The following CTNNA3 variants were observed in gnomAD, a reference collection of about 807,000 sequenced individuals.
CTNNA3 encodes the protein catenin alpha-3.
In CTNNA3, 76 loss-of-function variants were observed where a neutral mutation model predicts 95.7. The observed-to-expected ratio is 0.79, with a 90% CI of 0.66 to 0.96. The LOEUF (loss-of-function observed/expected upper bound fraction) is 0.96, where lower values mean the gene tolerates loss of function less well. Ranked by LOEUF, CTNNA3 falls within the 40% of genes least tolerant of loss-of-function variation. CTNNA3 has a pLI of 0.00. For synonymous variants in CTNNA3, 431 were observed against 374.4 expected (o/e 1.15, Z -1.74); for missense variants, 1,191 against 1,089.8 (o/e 1.09, Z -1.31).
At chr10:66,071,634 C>T (rs1007169342) in intron 14 of CTNNA3, among the ~76,000 whole-genome samples, 2 of 152,140 alleles carry the variant, frequency 1.3e-5, no homozygotes, top group Non-Finnish European at 2.9e-5. Flanking sequence ...ATTTCTCTAT[C>T]GCTGTCTACC....
chr10:66,918,204 G>A (rs1846594311), intron 7 of CTNNA3, among the ~76,000 whole-genome samples: 1 of 152,180 alleles, frequency 6.6e-6, no homozygotes, highest in African/African-American at 2.4e-5. Context: ...TATTTAGCAA[G>A]TACCAACAAC....
intron 11 of CTNNA3, among the ~76,000 whole-genome samples, chr10:66,514,276 G>C (rs994823832): frequency 1.3e-5 from 2 of 152,046 alleles, no homozygotes; most frequent in South Asian, 4.1e-4. Context: ...TACCTATTAA[G>C]AGACTTCAGG....
At chr10:65,944,609 A>G (rs1357439719) in intron 17 of CTNNA3, among the ~76,000 whole-genome samples, 1 of 152,206 alleles carries the variant, frequency 6.6e-6, no homozygotes, top group Non-Finnish European at 1.5e-5. Flanking sequence ...GAGAAGGGAA[A>G]CCAAAGCATT....
chr10:67,222,607 G>C (rs1052909598), intron 5 of CTNNA3, among the ~76,000 whole-genome samples: 2 of 152,162 alleles, frequency 1.3e-5, no homozygotes, highest in Non-Finnish European at 2.9e-5. Context: ...CCACAACGTT[G>C]TACAAGCTCT....
chr10:66,428,708 G>A (rs1285386435), intron 11 of CTNNA3, among the ~76,000 whole-genome samples: 2 of 152,010 alleles, frequency 1.3e-5, no homozygotes, highest in South Asian at 2.1e-4. Flanking sequence ...AAACCAACGA[G>A]AACAAAGACA....
At chr10:66,368,580 AC>A (rs2092730147) in intron 12 of CTNNA3, among the ~76,000 whole-genome samples, 1 of 152,126 alleles carries the variant, frequency 6.6e-6, no homozygotes. Context: ...AAAAGACAAA[AC>A]AAAACATTGT....
chr10:66,230,685 CA>C (rs2089543484), intron 13 of CTNNA3, among the ~76,000 whole-genome samples: 1 of 152,026 alleles, frequency 6.6e-6, no homozygotes, highest in South Asian at 2.1e-4. Flanking sequence ...AGAGCGTGCA[CA>C]GTCTTGTGAT....
Position 67,242,715 on chromosome 10 carries a change from GA to G in CTNNA3, c.580-22846del, listed in dbSNP as rs377724265. 3.0e-3 allele frequency among the ~76,000 whole-genome samples: 459 copies of G among 152,276 alleles called. 1 individual carries two copies. The highest frequency in any genetic ancestry group is 4.5e-3 in the Non-Finnish European group (309 of 68,030). On this transcript the variant is annotated intron_variant, in intron 5 of 17. Coordinates refer to ENST00000433211, the MANE Select transcript of CTNNA3 (RefSeq NM_013266.4). The stretch of plus-strand genomic sequence containing the variant: ...ACCTTGGAAGACCTCGGAAAGATAG[GA>G]AATGCATGTCTCCGGGCCTGATGAG...
intron 15 of CTNNA3, among the ~76,000 whole-genome samples, chr10:66,032,210 T>TA (rs200151483): frequency 6.6e-6 from 1 of 152,062 alleles, no homozygotes. Flanking sequence ...TTGATTTTTT[T>TA]AAAAAAATTA....
intron 13 of CTNNA3, among the ~76,000 whole-genome samples, chr10:66,219,046 T>C (rs1208797016): frequency 6.6e-6 from 1 of 152,222 alleles, no homozygotes; most frequent in Non-Finnish European, 1.5e-5. Context: ...ATGTTGGTTA[T>C]GTGGGAACAG....
intron 12 of CTNNA3, among the ~76,000 whole-genome samples, chr10:66,299,187 T>C (rs2091826088): frequency 1.3e-5 from 2 of 152,244 alleles, no homozygotes; most frequent in East Asian, 1.9e-4. Flanking sequence ...CTCACTAAAA[T>C]ATATAAAACC....
intron 9 of CTNNA3, among the ~76,000 whole-genome samples, chr10:66,728,077 T>C (rs1301670917): frequency 3.3e-5 from 5 of 152,174 alleles, no homozygotes; most frequent in Non-Finnish European, 5.9e-5. Context: ...GAAGACAATA[T>C]TGCACATACA....
chr10:65,935,519 A>G (rs2133159409), intron 17 of CTNNA3, among the ~76,000 whole-genome samples: 1 of 152,286 alleles, frequency 6.6e-6, no homozygotes, highest in East Asian at 1.9e-4. Flanking sequence ...TTTTATTTTT[A>G]CAGAAATCTT....
rs1041367560 is a variant in CTNNA3 at position 66,430,746 on chromosome 10, T to C, written c.1532-51394A>G. Among the ~76,000 whole-genome samples the C allele has an allele frequency of 2.0e-5, 3 of 151,978 alleles. No homozygotes were observed. The South Asian group carries it at 6.2e-4, about 31-fold the overall frequency. The stretch of plus-strand genomic sequence containing the variant: ...TCCCTTCCTTACACCTTATACAAAA[T>C]TTAATTCAAGATGGATTAAGGACTT... On this transcript the variant is annotated intron_variant, in intron 11 of 17. Coordinates refer to ENST00000433211, the MANE Select transcript of CTNNA3 (RefSeq NM_013266.4).
At chr10:66,320,805 G>C (rs1431773045) in intron 12 of CTNNA3, among the ~76,000 whole-genome samples, 2 of 152,054 alleles carry the variant, frequency 1.3e-5, no homozygotes, top group South Asian at 4.1e-4. Flanking sequence ...CCAAAGGAGA[G>C]AATAGACAGA....
At chr10:66,701,317 A>G (rs1847935124) in intron 9 of CTNNA3, among the ~76,000 whole-genome samples, 1 of 152,140 alleles carries the variant, frequency 6.6e-6, no homozygotes, top group South Asian at 2.1e-4. Context: ...TTTGCCTTTT[A>G]TCAAAGTTGT....
At chr10:66,461,636 C>T (rs912186573) in intron 11 of CTNNA3, among the ~76,000 whole-genome samples, 1 of 149,602 alleles carries the variant, frequency 6.7e-6, no homozygotes, top group Non-Finnish European at 1.5e-5. Context: ...AAGGAGATAT[C>T]ATTATTTCAC....
chr10:66,673,321 A>G (rs1003032397), intron 9 of CTNNA3, among the ~76,000 whole-genome samples: 19 of 152,252 alleles, frequency 1.2e-4, no homozygotes, highest in Admixed American at 9.2e-4. Flanking sequence ...TATTACATAC[A>G]TTAATGAAAT....
intron 13 of CTNNA3, among the ~76,000 whole-genome samples, chr10:66,278,046 A>G (rs2091428922): frequency 2.6e-5 from 4 of 151,346 alleles, no homozygotes; most frequent in Admixed American, 6.6e-5. Flanking sequence ...TTTCTGATTG[A>G]TACTAACTTG....
Sources: allele counts gnomAD v4.1 joint callset (sites outside exome capture counted in the v4.1 genomes callset), GRCh38; gene constraint gnomAD v4.1.1; transcripts MANE v1.5; gene names NCBI Gene and HGNC (gene_info 2026-07-23, HGNC 2026-07-21).